ING5: variants seen among roughly 807,000 people sequenced by gnomAD.
ING5 encodes inhibitor of growth family member 5.
ING5 carries 17 observed loss-of-function variants against 37.4 expected under a neutral mutation model. The observed-to-expected ratio is 0.45, with a 90% confidence interval of 0.31 to 0.68. ING5 has a LOEUF of 0.68. Among genes scored for constraint, ING5 ranks in the 30% least tolerant of loss-of-function variants. The pLI is 0.05. For missense variants in ING5, 233 were observed against 311.9 expected, an observed-to-expected ratio of 0.75 and a Z score of 1.91; for synonymous variants, 123 against 116.6, an observed-to-expected ratio of 1.06 and a Z score of -0.36.
upstream of ING5, among the ~76,000 whole-genome samples, chr2:241,701,774 G>C (rs942924957): frequency 3.9e-5 from 6 of 152,110 alleles, no homozygotes; most frequent in African/African-American, 1.2e-4. Context: ...CGCCCACCTG[G>C]GTGCCCTGGG....
intron 2 of ING5, chr2:241,708,987 AG>A (rs1323161729): frequency 2.4e-6 from 1 of 409,094 alleles, no homozygotes; most frequent in African/African-American, 2.0e-5. Flanking sequence ...TAACATTCAG[AG>A]CTGGGACTGT....
chr2:241,687,374 T>G (rs960802326), exon 1 of ING5: 8 of 398,704 alleles, frequency 2.0e-5, no homozygotes, highest in African/African-American at 1.6e-4. Flanking sequence ...GACTGCGTTC[T>G]GGAAACGCTG....
chr2:241,705,224 G>A (rs2069866954), intron 2 of ING5, among the ~76,000 whole-genome samples: 1 of 151,592 alleles, frequency 6.6e-6, no homozygotes, highest in Non-Finnish European at 1.5e-5. Flanking sequence ...ACAGGTGCCC[G>A]CCACCACGCC....
intron 5 of ING5, among the ~76,000 whole-genome samples, chr2:241,714,236 T>C (rs2070199945): frequency 6.6e-6 from 1 of 152,208 alleles, no homozygotes; most frequent in Non-Finnish European, 1.5e-5. Flanking sequence ...TCTTTAATAG[T>C]TTTATAGTGC....
chr2:241,719,045 G>A (rs1314663709), intron 5 of ING5, among the ~76,000 whole-genome samples: 1 of 152,246 alleles, frequency 6.6e-6, no homozygotes, highest in African/African-American at 2.4e-5. Context: ...CTGGGGGCCT[G>A]GGGCGGGGCA....
rs955616659 is a variant in ING5 at position 241,702,056 on chromosome 2, G to T, written c.-10G>T. ...GCCCGCGCAGACCCCGAGCGCGGCC[G>T]CGGACGAAGATGGCGACCGCCATGT... On this transcript the variant is annotated 5_prime_UTR_variant, in exon 1 of 8. Coordinates refer to ENST00000313552, the MANE Select transcript of ING5 (RefSeq NM_032329.6). The T allele has an allele frequency of 1.9e-5, 27 of 1,386,504 alleles. No individual in the cohort carries two copies. The African/African-American group carries it at 4.0e-4, about 20-fold the overall frequency. The allele number at this position is 1,386,504 out of a possible 1,614,324, so 85.9% of individuals were successfully genotyped here.
chr2:241,729,080 G>A lies in ING5; in HGVS notation c.*4049G>A, dbSNP rs1057223916. On this transcript the variant is annotated 3_prime_UTR_variant, in exon 8 of 8. Transcript: ENST00000313552. Reference sequence around the variant, plus strand: ...TCTTCATGGTTTAGAGTAAAACCGTGAGGGATGTTAATTATGGGCATTGAA... The same window carrying A: ...TCTTCATGGTTTAGAGTAAAACCGTAAGGGATGTTAATTATGGGCATTGAA... The A allele has an allele frequency of 1.3e-5, 2 of 152,372 alleles. No homozygotes were observed. Among genetic ancestry groups the A allele is most frequent in the Non-Finnish European group, 2.9e-5 (2 of 68,062 alleles). The allele number at this position is 152,372 out of a possible 1,614,324, so 9.4% of individuals were successfully genotyped here.
At chr2:241,697,302 T>G (rs2069644671), upstream of ING5, among the ~76,000 whole-genome samples, 1 of 147,484 alleles carries the variant, frequency 6.8e-6, no homozygotes, top group South Asian at 2.2e-4. Flanking sequence ...AGGCGTGGTG[T>G]CGGGCGCCTG....
At chr2:241,722,422 T>C (rs912405660) in intron 5 of ING5, 1 of 985,280 alleles carries the variant, frequency 1.0e-6, no homozygotes, top group Non-Finnish European at 1.2e-6. Context: ...GGGTGAGTGC[T>C]GCGCTTCACG....
intron 5 of ING5, among the ~76,000 whole-genome samples, chr2:241,716,449 C>T (rs2070272325): frequency 6.9e-6 from 1 of 144,142 alleles, no homozygotes; most frequent in Non-Finnish European, 1.5e-5. Context: ...TGCGCCACCA[C>T]ACCCGGCTAA....
At chr2:241,704,055 G>T (rs144558761) in intron 1 of ING5, among the ~76,000 whole-genome samples, 12 of 152,262 alleles carry the variant, frequency 7.9e-5, no homozygotes, top group East Asian at 5.8e-4. Context: ...GCTCACTGAG[G>T]GGGGGCAGCC....
At chr2:241,707,479 A>G (rs1056355233) in intron 2 of ING5, among the ~76,000 whole-genome samples, 5 of 151,306 alleles carry the variant, frequency 3.3e-5, no homozygotes, top group African/African-American at 1.2e-4. Flanking sequence ...TTAAGTAGAG[A>G]CGGGGTTTCT....
In ING5 at chr2:241,709,230, A is replaced by G; in HGVS notation, c.124A>G (p.Ile42Val). The G allele has an allele frequency of 6.2e-7, 1 of 1,612,010 alleles. No individual in the cohort carries two copies. The highest frequency in any genetic ancestry group is 8.5e-7 in the Non-Finnish European group (1 of 1,178,938). ...TTCTCCATCAGATAAGAAAGCAGAGATTGACATCCTGGCTGCAGAGTACAT... is the reference window on the plus strand; with the variant it reads ...TTCTCCATCAGATAAGAAAGCAGAGGTTGACATCCTGGCTGCAGAGTACAT... ...DQRTEDKKAE[I>V]DILAAEYIST... The change falls in exon 3 of 8, where the codon ATT becomes GTT. Residue 42 changes from isoleucine to valine, a missense_variant. This residue lies in a region of ING5 where 93 missense variants were observed against 99.7 expected (regional missense o/e 0.93). Coordinates refer to ENST00000313552, the MANE Select transcript of ING5 (RefSeq NM_032329.6).
At chr2:241,699,888 G>A (rs2069686809), upstream of ING5, among the ~76,000 whole-genome samples, 1 of 152,212 alleles carries the variant, frequency 6.6e-6, no homozygotes, top group African/African-American at 2.4e-5. Flanking sequence ...GGGAAGAGGA[G>A]TGACATGGGT....
chr2:241,701,559 C>T (rs543231074), upstream of ING5, among the ~76,000 whole-genome samples: 1 of 152,058 alleles, frequency 6.6e-6, no homozygotes, highest in African/African-American at 2.4e-5. Flanking sequence ...CGGGCTGAGG[C>T]CCCGGGGGCT....
At chr2:241,716,732 T>C (rs1274504477) in intron 5 of ING5, among the ~76,000 whole-genome samples, 1 of 152,220 alleles carries the variant, frequency 6.6e-6, no homozygotes, top group Non-Finnish European at 1.5e-5. Context: ...TGTGCTGTTG[T>C]CCTTCACTTT....
At chr2:241,711,559 T>A in intron 4 of ING5, 71 bp downstream of exon 4, 1 of 1,107,346 alleles carries the variant, frequency 9.0e-7, no homozygotes, top group Non-Finnish European at 1.3e-6. Context: ...TTTGTCACGG[T>A]AAATCATTAA....
At chr2:241,716,015 AC>A in intron 5 of ING5, among the ~76,000 whole-genome samples, 1 of 151,232 alleles carries the variant, frequency 6.6e-6, no homozygotes, top group East Asian at 2.0e-4. Context: ...CTGGTCTCGA[AC>A]TCCTGACCTC....
chr2:241,723,478 C>T (rs550077680), intron 7 of ING5, among the ~76,000 whole-genome samples: 1 of 152,332 alleles, frequency 6.6e-6, no homozygotes, highest in South Asian at 2.1e-4. Context: ...TGCTGCTGTG[C>T]CTGTCCGAGC....
Sources: gnomAD v4.1 joint callset for allele counts (sites outside exome capture counted in the v4.1 genomes callset) on GRCh38, gnomAD v4.1.1 for gene constraint, gnomAD v4.1.1 regional missense constraint, MANE v1.5 for transcripts, NCBI Gene and HGNC (gene_info 2026-07-23, HGNC 2026-07-21) for gene names.